AUTS2: variants seen among roughly 807,000 people sequenced by gnomAD.
AUTS2 encodes the protein autism susceptibility gene 2 protein.
A neutral mutation model predicts 112.4 loss-of-function variants in AUTS2; 17 were observed. That is an observed-to-expected ratio of 0.15 (90% CI 0.10 to 0.23). AUTS2 has a LOEUF of 0.23. Ranked by LOEUF, AUTS2 falls within the 10% of genes least tolerant of loss-of-function variation. AUTS2 has a pLI of 1.00. For missense variants in AUTS2, 1,510 were observed against 1,701.6 expected (o/e 0.89, Z 1.98); for synonymous variants, 751 against 702.7 (o/e 1.07, Z -1.09).
chr7:70,674,468 T>G (rs543519980), intron 5 of AUTS2, among the ~76,000 whole-genome samples: 14 of 152,240 alleles, frequency 9.2e-5, no homozygotes, highest in Non-Finnish European at 1.8e-4. Flanking sequence ...GTAAAAAGCC[T>G]CCTTTTAAAA....
intron 4 of AUTS2, among the ~76,000 whole-genome samples, chr7:70,430,746 A>G (rs989292155): frequency 2.3e-4 from 35 of 152,248 alleles, no homozygotes; most frequent in Admixed American, 2.2e-3. Context: ...AGGATGTGCA[A>G]TTGAAACAAT....
At chr7:69,957,538 G>A (rs1797264242) in intron 2 of AUTS2, among the ~76,000 whole-genome samples, 1 of 151,996 alleles carries the variant, frequency 6.6e-6, no homozygotes, top group Non-Finnish European at 1.5e-5. Context: ...TATATTTTAT[G>A]ATATATGTGA....
chr7:70,473,103 C>T (rs1473803309), intron 5 of AUTS2, among the ~76,000 whole-genome samples: 2 of 152,138 alleles, frequency 1.3e-5, no homozygotes, highest in Non-Finnish European at 2.9e-5. Flanking sequence ...TTCATTATCC[C>T]TGAATAACAT....
intron 2 of AUTS2, among the ~76,000 whole-genome samples, chr7:70,033,350 G>A (rs1488674928): frequency 6.6e-6 from 1 of 152,148 alleles, no homozygotes; most frequent in Non-Finnish European, 1.5e-5. Flanking sequence ...TAATGTGTGT[G>A]ATCCAACTAT....
At chr7:70,659,447 C>T (rs1323396765) in intron 5 of AUTS2, among the ~76,000 whole-genome samples, 1 of 152,198 alleles carries the variant, frequency 6.6e-6, no homozygotes, top group Non-Finnish European at 1.5e-5. Context: ...CCCGCAGCCT[C>T]ATCATACAGC....
chr7:70,616,599 A>G (rs1046175329), intron 5 of AUTS2, among the ~76,000 whole-genome samples: 1 of 152,208 alleles, frequency 6.6e-6, no homozygotes, highest in Admixed American at 6.5e-5. Flanking sequence ...AGTGCCTGAC[A>G]CTGTGCTCTG....
intron 5 of AUTS2, among the ~76,000 whole-genome samples, chr7:70,543,842 G>A (rs572953062): frequency 5.9e-5 from 9 of 152,286 alleles, no homozygotes; most frequent in Admixed American, 3.3e-4. Flanking sequence ...AAAGACTATC[G>A]CCATTTTCTT....
chr7:70,248,951 C>G (rs1172825775), intron 4 of AUTS2, among the ~76,000 whole-genome samples: 1 of 152,132 alleles, frequency 6.6e-6, no homozygotes, highest in Admixed American at 6.6e-5. Flanking sequence ...TGCTTTCAGA[C>G]CATTCATGTT....
intron 5 of AUTS2, among the ~76,000 whole-genome samples, chr7:70,674,030 T>A (rs1807782471): frequency 6.6e-6 from 1 of 152,190 alleles, no homozygotes; most frequent in African/African-American, 2.4e-5. Flanking sequence ...GGAGGGGATC[T>A]GAACCTGGTC....
intron 4 of AUTS2, among the ~76,000 whole-genome samples, chr7:70,165,106 G>A (rs1808312301): frequency 6.6e-6 from 1 of 152,108 alleles, no homozygotes; most frequent in Non-Finnish European, 1.5e-5. Context: ...CAACAGACTT[G>A]ATACGATAGA....
At chr7:69,619,662 T>A (rs550414283) in intron 1 of AUTS2, among the ~76,000 whole-genome samples, 1 of 152,346 alleles carries the variant, frequency 6.6e-6, no homozygotes, top group Non-Finnish European at 1.5e-5. Context: ...CTTGGCTCCA[T>A]GCAGCACCTC....
intron 5 of AUTS2, among the ~76,000 whole-genome samples, chr7:70,456,682 A>G (rs1213289475): frequency 6.6e-6 from 1 of 152,200 alleles, no homozygotes; most frequent in African/African-American, 2.4e-5. Context: ...CAGAGCACAC[A>G]ACTGGGCCAT....
chr7:69,896,167 A>AT lies in AUTS2; in HGVS notation c.310-3118dup, dbSNP rs148133862. Among the ~76,000 whole-genome samples, 926 of 152,368 alleles carry AT rather than the reference A, an allele frequency of 6.1e-3. 10 individuals carry two copies. The highest frequency in any genetic ancestry group is 0.02 in the African/African-American group (847 of 41,586). ...TTTTTGAGCTGAGCAGATGCCTGGC[A>AT]TAGCTGACTGAGGTTGTGGACACTG... On this transcript the variant is annotated intron_variant, in intron 1 of 18. Coordinates refer to ENST00000342771, the MANE Select transcript of AUTS2 (RefSeq NM_015570.4).
intron 5 of AUTS2, among the ~76,000 whole-genome samples, chr7:70,655,675 G>A (rs1806735099): frequency 1.3e-5 from 2 of 152,116 alleles, no homozygotes; most frequent in Non-Finnish European, 2.9e-5. Context: ...TCTGGCATAG[G>A]GGAAAGAGAT....
chr7:70,536,238 G>A (rs950558675), intron 5 of AUTS2, among the ~76,000 whole-genome samples: 13 of 152,278 alleles, frequency 8.5e-5, no homozygotes, highest in African/African-American at 2.6e-4. Context: ...GCAGTGAGCC[G>A]AGATGGTGCC....
chr7:69,842,142 G>A (rs1046034776), intron 1 of AUTS2, among the ~76,000 whole-genome samples: 1 of 152,112 alleles, frequency 6.6e-6, no homozygotes, highest in Non-Finnish European at 1.5e-5. Flanking sequence ...GTTTGAGAAT[G>A]CCTTATCTAG....
At chr7:70,720,774 A>G (rs1786600989) in intron 6 of AUTS2, among the ~76,000 whole-genome samples, 2 of 152,200 alleles carry the variant, frequency 1.3e-5, no homozygotes, top group East Asian at 3.9e-4. Flanking sequence ...GCAACACAGC[A>G]CATTGTTCTG....
intron 6 of AUTS2, among the ~76,000 whole-genome samples, chr7:70,709,075 G>A (rs1227699286): frequency 2.0e-5 from 3 of 151,690 alleles, no homozygotes; most frequent in Non-Finnish European, 4.4e-5. Context: ...CCGCCACCAC[G>A]CCTCGCTAAT....
At chr7:69,944,658 TG>T (rs1298028420) in intron 2 of AUTS2, among the ~76,000 whole-genome samples, 1 of 152,222 alleles carries the variant, frequency 6.6e-6, no homozygotes, top group East Asian at 1.9e-4. Flanking sequence ...TTCAATCATT[TG>T]GGGACAGATA....
Sources: gnomAD v4.1 joint callset for allele counts (sites outside exome capture counted in the v4.1 genomes callset) on GRCh38, gnomAD v4.1.1 for gene constraint, MANE v1.5 for transcripts, NCBI Gene and HGNC (gene_info 2026-07-23, HGNC 2026-07-21) for gene names.